Variants in SLC23A2 observed in about 807,000 individuals in gnomAD.
SLC23A2 encodes the protein solute carrier family 23 member 2.
SLC23A2 carries 36 observed loss-of-function variants against 73.3 expected under a neutral mutation model. The ratio of observed to expected loss-of-function variants is 0.49; its 90% CI spans 0.38 to 0.65. The LOEUF (loss-of-function observed/expected upper bound fraction) is 0.65, where lower values mean the gene tolerates loss of function less well. Ranked by LOEUF, SLC23A2 falls within the 30% of genes least tolerant of loss-of-function variation. The pLI, the probability that SLC23A2 is intolerant of heterozygous loss-of-function variation, is 0.00. For missense variants in SLC23A2, 507 were observed against 841.6 expected (o/e 0.60, Z 4.92); for synonymous variants, 343 against 327.3 (o/e 1.05, Z -0.52).
chr20:4,966,853 C>CAT (rs1233270753), intron 2 of SLC23A2, among the ~76,000 whole-genome samples: 48 of 145,720 alleles, frequency 3.3e-4, no homozygotes, highest in Non-Finnish European at 1.5e-5. Context: ...CACACACACA[C>CAT]ACAGGCATGG....
In SLC23A2 at chr20:4,862,797, G is replaced by C. The variant is rs1930025304; in HGVS notation, c.1467C>G (p.Ala489=). Reference sequence around the variant, plus strand: ...TCTTACCAAAGAGCGTGCAGAACAGGGCTCCCAGCACAGGATCCGGAAGGG... The same window carrying C: ...TCTTACCAAAGAGCGTGCAGAACAGCGCTCCCAGCACAGGATCCGGAAGGG... ...FASLPDPVLG[A]LFCTLFGMIT... Residue 489 remains alanine (A), a synonymous_variant, in exon 14 of 17, where the codon GCC becomes GCG. Transcript: ENST00000338244. The surrounding 1 kb of genome is among the most constrained non-coding windows in gnomAD (Gnocchi z 5.1). The C allele has an allele frequency of 6.2e-7, 1 of 1,613,676 alleles. No homozygotes were observed. Among genetic ancestry groups the C allele is most frequent in the Admixed American group, 1.7e-5 (1 of 59,990 alleles).
chr20:5,001,241 G>A (rs1438071266), intron 1 of SLC23A2, among the ~76,000 whole-genome samples, 165 bp downstream of exon 1: 1 of 149,216 alleles, frequency 6.7e-6, no homozygotes, highest in Non-Finnish European at 1.5e-5. Flanking sequence ...GGGGTCCCGG[G>A]AGATGGGTCG....
Position 4,960,532 on chromosome 20 carries a change from G to A in SLC23A2, c.-155+10261C>T, listed in dbSNP as rs968568049. 9.2e-5 allele frequency among the ~76,000 whole-genome samples: 14 copies of A among 152,298 alleles called. No homozygotes were observed. The East Asian group carries it at 9.6e-4, about 10-fold the overall frequency. On this transcript the variant is annotated intron_variant, in intron 2 of 16. Transcript: ENST00000338244. ...ATAAAATACTGTAGTTAAAATAAAC[G>A]AACTCTAGCTACTTGGACCAACATT...
chr20:4,926,574 G>A (rs560698928), intron 3 of SLC23A2, among the ~76,000 whole-genome samples: 9 of 130,840 alleles, frequency 6.9e-5, no homozygotes, highest in East Asian at 6.7e-4. Context: ...CCCTATTTAC[G>A]CATTTCCTAG....
intron 2 of SLC23A2, among the ~76,000 whole-genome samples, chr20:4,957,245 T>C (rs1668490599): frequency 1.3e-5 from 2 of 151,932 alleles, no homozygotes; most frequent in South Asian, 4.1e-4. Flanking sequence ...CACTTGAGGA[T>C]AGGAGTTTGA....
intron 2 of SLC23A2, among the ~76,000 whole-genome samples, chr20:4,945,019 AT>A (rs2087097661): frequency 6.6e-6 from 1 of 150,380 alleles, no homozygotes; most frequent in South Asian, 2.1e-4. Context: ...AAAAAAAAAA[AT>A]CTTCAACTTG....
chr20:4,960,304 T>G (rs899528977), intron 2 of SLC23A2, among the ~76,000 whole-genome samples: 3 of 152,210 alleles, frequency 2.0e-5, no homozygotes, highest in African/African-American at 7.2e-5. Context: ...TGTATCTTGT[T>G]GACAGAGAAG....
intron 2 of SLC23A2, among the ~76,000 whole-genome samples, chr20:4,948,867 A>G (rs1355148987): frequency 6.6e-6 from 1 of 152,212 alleles, no homozygotes. Context: ...CAAAGACCTT[A>G]AAAGAATTAA....
Position 4,902,636 on chromosome 20 carries a change from T to C in SLC23A2, c.208-78A>G, listed in dbSNP as rs1335799356. 4.3e-6 allele frequency: 3 copies of C among 697,118 alleles called. No individual in the cohort carries two copies. In the African/African-American group the frequency reaches 5.6e-5, roughly 13 times the overall value. 43.2% of individuals were successfully genotyped at this position (697,118 alleles called of 1,614,324 possible). A position where few individuals can be genotyped will look rare whatever the true frequency, so the allele number is the denominator to read the frequency against. ...TAGCTCGGCCATGTACAGGCCACTA[T>C]TACAGAAAAACAACTTTATCAAGTG... On this transcript the variant is annotated intron_variant, in intron 4 of 16. Transcript: ENST00000338244. This position sits in a 1 kb window ranked among gnomAD's most constrained non-coding sequence, Gnocchi z 4.0.
At chr20:4,989,737 C>T (rs942187244) in intron 1 of SLC23A2, among the ~76,000 whole-genome samples, 2 of 151,942 alleles carry the variant, frequency 1.3e-5, no homozygotes, top group Non-Finnish European at 2.9e-5. Flanking sequence ...AGGTCAGGTG[C>T]GGAATTTTCC....
At chr20:4,903,407 C>T (rs920334282) in intron 4 of SLC23A2, among the ~76,000 whole-genome samples, 2 of 152,188 alleles carry the variant, frequency 1.3e-5, no homozygotes, top group Non-Finnish European at 2.9e-5. Flanking sequence ...TGGTTTCAAA[C>T]ACCACACAAA....
chr20:4,918,134 T>C (rs1269069949), intron 3 of SLC23A2, among the ~76,000 whole-genome samples: 1 of 152,224 alleles, frequency 6.6e-6, no homozygotes, highest in Non-Finnish European at 1.5e-5. Context: ...ATAAAACATG[T>C]CTTGGGAAGC....
chr20:5,007,140 T>G (rs1438968025), intron 1 of SLC23A2, among the ~76,000 whole-genome samples: 1 of 152,096 alleles, frequency 6.6e-6, no homozygotes, highest in Non-Finnish European at 1.5e-5. Flanking sequence ...TTCTCCCCAC[T>G]CCACCGCCAG....
At position 4,954,646 on chromosome 20, in the gene SLC23A2, C is replaced by T. The variant is rs184756065; in HGVS notation, c.-155+16147G>A. Among the ~76,000 whole-genome samples, 328 of 145,992 alleles carry T rather than the reference C, an allele frequency of 2.2e-3. 1 individual carries two copies. Among genetic ancestry groups the T allele is most frequent in the Admixed American group, 3.5e-3 (51 of 14,540 alleles). On this transcript the variant is annotated intron_variant, in intron 2 of 16. Coordinates refer to ENST00000338244, the MANE Select transcript of SLC23A2 (RefSeq NM_005116.6). ...CTAGGAGGTGGAGGTTGCAGTTGAG[C>T]CGAGATTGTGCCATTGCACTCCAGC...
intron 8 of SLC23A2, among the ~76,000 whole-genome samples, chr20:4,884,535 G>A (rs4987220): frequency 0.062 from 9,402 of 152,256 alleles, 331 homozygotes; most frequent in Middle Eastern, 0.088. Flanking sequence ...GTGTGCAGGA[G>A]GGAGGAAACC....
chr20:4,980,775 C>G, intron 1 of SLC23A2, among the ~76,000 whole-genome samples: 1 of 152,100 alleles, frequency 6.6e-6, no homozygotes, highest in Non-Finnish European at 1.5e-5. Flanking sequence ...GGTGATCCAC[C>G]CACCTCGGCC....
intron 1 of SLC23A2, among the ~76,000 whole-genome samples, chr20:4,996,174 CTT>C (rs1439294577): frequency 6.6e-6 from 1 of 152,166 alleles, no homozygotes. Flanking sequence ...ATGGGGCTCT[CTT>C]GTCTTTCTAG....
Position 4,932,660 on chromosome 20 carries a change from C to G in SLC23A2, c.-98G>C. On this transcript the variant is annotated 5_prime_UTR_variant, in exon 3 of 17. Coordinates refer to ENST00000338244, the MANE Select transcript of SLC23A2 (RefSeq NM_005116.6). The stretch of plus-strand genomic sequence containing the variant: ...CCAGGATCAGCCGGCTCTTCTAGTG[C>G]CTGGAGCCCCCGATTCTCAAGCAGA... The G allele has an allele frequency of 1.4e-6, 1 of 716,388 alleles. No homozygotes were observed. Among genetic ancestry groups the G allele is most frequent in the East Asian group, 2.5e-5 (1 of 39,394 alleles). The allele number at this position is 716,388 out of a possible 1,614,324, so 44.4% of individuals were successfully genotyped here. A position where few individuals can be genotyped will look rare whatever the true frequency, so the allele number is the denominator to read the frequency against.
chr20:4,859,303 T>A lies in SLC23A2; in HGVS notation c.1706A>T (p.Asp569Val). Reference protein sequence around the residue: ...FVGGCVAFILDNTIPGTPEER... With the variant: ...FVGGCVAFILVNTIPGTPEER... ...ATACCACGTACCTGGGATGGTGTTA[T>A]CCAGGATAAAAGCCACACAGCCCCC... is the stretch of plus-strand genomic sequence containing the variant. Residue 569 changes from aspartate (D) to valine (V), a missense_variant, in exon 16 of 17, where the codon GAT becomes GTT. By Grantham distance (152) the Asp-to-Val change is radical. This residue lies in a region of SLC23A2 where 168 missense variants were observed against 302.3 expected (regional missense o/e 0.56). Coordinates refer to ENST00000338244, the MANE Select transcript of SLC23A2 (RefSeq NM_005116.6). 6.3e-7 allele frequency: 1 copy of A among 1,599,402 alleles called. No individual in the cohort carries two copies. The highest frequency in any genetic ancestry group is 8.6e-7 in the Non-Finnish European group (1 of 1,167,850).
Sources: allele counts gnomAD v4.1 joint callset (sites outside exome capture counted in the v4.1 genomes callset), GRCh38; gene constraint gnomAD v4.1.1; regional missense constraint gnomAD v4.1.1; non-coding constraint Gnocchi (gnomAD v3.1); transcripts MANE v1.5; gene names NCBI Gene and HGNC (gene_info 2026-07-23, HGNC 2026-07-21).